CCDC33: variants seen among roughly 807,000 people sequenced by gnomAD.
The protein encoded by CCDC33 is coiled-coil domain containing 33.
Under a neutral mutation model 91.9 loss-of-function variants are expected in CCDC33, and 94 were observed. The ratio of observed to expected loss-of-function variants is 1.02; its 90% CI spans 0.87 to 1.21. CCDC33 has a LOEUF of 1.21. Ranked by LOEUF, CCDC33 falls within the 50% of genes most tolerant of loss-of-function variation. The pLI is 0.00. For missense variants in CCDC33, 940 were observed against 935.5 expected, an observed-to-expected ratio of 1.00 and a Z score of -0.06; for synonymous variants, 396 against 374.5, an observed-to-expected ratio of 1.06 and a Z score of -0.66.
chr15:74,236,570 A>C lies in CCDC33; in HGVS notation c.-150A>C. ...GCTGGTGTGTGGCACCCCTGAGACC[A>C]CATTGACCTCCATACTGTCTACTAC... On this transcript the variant is annotated 5_prime_UTR_variant, in exon 1 of 19. Coordinates refer to ENST00000398814, the MANE Select transcript of CCDC33 (RefSeq NM_025055.5). 2.7e-6 allele frequency: 1 copy of C among 374,650 alleles called. No individual in the cohort carries two copies. The highest frequency in any genetic ancestry group is 4.9e-6 in the Non-Finnish European group (1 of 205,992). 23.2% of individuals were successfully genotyped at this position (374,650 alleles called of 1,614,324 possible). A position where few individuals can be genotyped will look rare whatever the true frequency, so the allele number is the denominator to read the frequency against.
chr15:74,286,218 C>T (rs556093384), intron 10 of CCDC33, among the ~76,000 whole-genome samples: 2 of 152,270 alleles, frequency 1.3e-5, no homozygotes, highest in Admixed American at 1.3e-4. Flanking sequence ...TGCACTCCAG[C>T]CTGGACAACA....
intron 1 of CCDC33, chr15:74,243,605 G>A (rs766378377): frequency 8.1e-5 from 37 of 455,460 alleles, no homozygotes; most frequent in East Asian, 2.8e-4. Flanking sequence ...GGCACTTGAC[G>A]GAAGCTGTGA....
At chr15:74,302,200 C>T (rs535064003) in intron 11 of CCDC33, 5 of 152,262 alleles carry the variant, frequency 3.3e-5, no homozygotes, top group South Asian at 2.1e-4. Flanking sequence ...CTTAATCCCT[C>T]GGTTTCTCTA....
At chr15:74,298,273 G>A (rs746371211) in intron 11 of CCDC33, among the ~76,000 whole-genome samples, 2 of 152,218 alleles carry the variant, frequency 1.3e-5, no homozygotes, top group Non-Finnish European at 2.9e-5. Context: ...GATGATGATG[G>A]TGGTGGTGAT....
intron 11 of CCDC33, among the ~76,000 whole-genome samples, chr15:74,312,970 G>A (rs906072532): frequency 6.6e-6 from 1 of 152,226 alleles, no homozygotes; most frequent in African/African-American, 2.4e-5. Flanking sequence ...ACAATGCCCT[G>A]GAAGGCTGGC....
At chr15:74,222,804 C>G (rs1349009896) in intron 2 of CCDC33, among the ~76,000 whole-genome samples, 3 of 149,442 alleles carry the variant, frequency 2.0e-5, no homozygotes, top group Non-Finnish European at 1.5e-5. Context: ...TCCCCCGACC[C>G]CCGCCGCCTG....
Position 74,218,519 on chromosome 15 carries a change from G to A in CCDC33, c.333G>A (p.Gln111=). The change falls in exon 2 of 3, where the codon CAG becomes CAA. Residue 111 remains glutamine, a synonymous_variant. Transcript: ENST00000635913. The surrounding 1 kb of genome is among the most constrained non-coding windows in gnomAD (Gnocchi z 4.8). ...CAGGTTTCTGCAAGAATGACGGGCA[G>A]CATGATGCTCAGCTGCATGTGGAGG... 7.8e-7 allele frequency: 1 copy of A among 1,288,130 alleles called. No individual in the cohort carries two copies. Among genetic ancestry groups the A allele is most frequent in the Non-Finnish European group, 1.0e-6 (1 of 987,810 alleles). The allele number at this position is 1,288,130 out of a possible 1,614,324, so 79.8% of individuals were successfully genotyped here. A position where few individuals can be genotyped will look rare whatever the true frequency, so the allele number is the denominator to read the frequency against.
chr15:74,297,462 G>A (rs1303311878), intron 11 of CCDC33, among the ~76,000 whole-genome samples: 1 of 152,188 alleles, frequency 6.6e-6, no homozygotes, highest in Non-Finnish European at 1.5e-5. Context: ...GCAGGCCGAG[G>A]TGGGAGGATC....
chr15:74,238,454 T>A (rs1355237913), intron 1 of CCDC33, among the ~76,000 whole-genome samples: 1 of 151,376 alleles, frequency 6.6e-6, no homozygotes, highest in African/African-American at 2.4e-5. Flanking sequence ...ATATAATACA[T>A]ATTTGTGTTT....
At chr15:74,229,228 C>A (rs568549505) in intron 2 of CCDC33, among the ~76,000 whole-genome samples, 3 of 152,286 alleles carry the variant, frequency 2.0e-5, no homozygotes, top group African/African-American at 7.2e-5. Context: ...GGCGGTGGCT[C>A]ACGTCTGTAA....
intron 16 of CCDC33, among the ~76,000 whole-genome samples, chr15:74,333,487 G>A (rs1036715567): frequency 2.6e-5 from 4 of 152,214 alleles, no homozygotes; most frequent in Non-Finnish European, 5.9e-5. Flanking sequence ...GGACTCGCCG[G>A]AGGTGAGTTC....
At chr15:74,290,694 T>C (rs2059569667) in intron 10 of CCDC33, among the ~76,000 whole-genome samples, 1 of 152,152 alleles carries the variant, frequency 6.6e-6, no homozygotes, top group African/African-American at 2.4e-5. Flanking sequence ...ACATGACATA[T>C]GAGAACTGTA....
intron 7 of CCDC33, among the ~76,000 whole-genome samples, chr15:74,277,181 T>C (rs2076471374): frequency 6.6e-6 from 1 of 152,232 alleles, no homozygotes; most frequent in Non-Finnish European, 1.5e-5. Context: ...GTTTGAGGCA[T>C]ATCCCCATGG....
chr15:74,222,239 G>A (rs1029610841), intron 2 of CCDC33, among the ~76,000 whole-genome samples: 7 of 152,176 alleles, frequency 4.6e-5, no homozygotes, highest in Non-Finnish European at 8.8e-5. Context: ...CACTGGCATA[G>A]CTGTTCAAGA....
At chr15:74,248,286 C>G (rs1323071525) in intron 2 of CCDC33, among the ~76,000 whole-genome samples, 1 of 150,914 alleles carries the variant, frequency 6.6e-6, no homozygotes, top group Non-Finnish European at 1.5e-5. Flanking sequence ...TCAATTATGC[C>G]TCAATAAAAC....
intron 5 of CCDC33, 87 bp from the exon 6 acceptor site, chr15:74,271,616 A>T (rs1229044670): frequency 2.1e-6 from 2 of 953,378 alleles, no homozygotes; most frequent in Non-Finnish European, 1.7e-6. Context: ...CGGATGGGGA[A>T]AAAGAGGGTA....
chr15:74,330,661 A>C lies in CCDC33; in HGVS notation c.1457-2A>C. 3 of 1,612,416 alleles carry C rather than the reference A, an allele frequency of 1.9e-6. No individual in the cohort carries two copies. Among genetic ancestry groups the C allele is most frequent in the Non-Finnish European group, 2.5e-6 (3 of 1,179,148 alleles). On this transcript the variant is annotated splice_acceptor_variant, in intron 12 of 18. Transcript: ENST00000398814. LOFTEE classifies it high-confidence loss of function. Reference sequence around the variant, plus strand: ...GAGCCAGCTCCCCAACCCACCTAACAGTGTCCATGAAGCAGAAACTGCTGC... The same window carrying C: ...GAGCCAGCTCCCCAACCCACCTAACCGTGTCCATGAAGCAGAAACTGCTGC...
chr15:74,329,161 C>CATATATATAT (rs143161165), intron 11 of CCDC33, among the ~76,000 whole-genome samples: 13 of 149,354 alleles, frequency 8.7e-5, no homozygotes, highest in African/African-American at 3.2e-4. Context: ...TATTAATTTT[C>CATATATATAT]ATATATATAT....
intron 10 of CCDC33, among the ~76,000 whole-genome samples, chr15:74,285,254 A>G (rs1396745836): frequency 6.6e-6 from 1 of 151,976 alleles, no homozygotes; most frequent in East Asian, 1.9e-4. Context: ...GGATAATTGG[A>G]CATTTTGGTG....
Sources: gnomAD v4.1 joint callset for allele counts (sites outside exome capture counted in the v4.1 genomes callset) on GRCh38, gnomAD v4.1.1 for gene constraint, Gnocchi (gnomAD v3.1) non-coding constraint, MANE v1.5 for transcripts, NCBI Gene and HGNC (gene_info 2026-07-23, HGNC 2026-07-21) for gene names.